Variants in MND1 observed in about 807,000 individuals in gnomAD.
MND1 encodes the protein meiotic nuclear division protein 1 homolog.
In MND1, 28 loss-of-function variants were observed where a neutral mutation model predicts 35.1. The ratio of observed to expected loss-of-function variants is 0.80; its 90% CI spans 0.59 to 1.09. The LOEUF (loss-of-function observed/expected upper bound fraction) is 1.09. Ranked by LOEUF, MND1 falls within the 50% of genes least tolerant of loss-of-function variation. The pLI is 0.00. For missense variants in MND1, 213 were observed against 239.6 expected (o/e 0.89, Z 0.73); for synonymous variants, 69 against 70.5 (o/e 0.98, Z 0.11).
At chr4:153,346,787 G>T (rs976448693) in intron 1 of MND1, among the ~76,000 whole-genome samples, 4 of 152,130 alleles carry the variant, frequency 2.6e-5, no homozygotes, top group African/African-American at 9.7e-5. Flanking sequence ...GCCTCTGGGG[G>T]GCAGATTCTT....
intron 4 of MND1, among the ~76,000 whole-genome samples, chr4:153,385,628 A>T (rs375190502): frequency 6.9e-6 from 1 of 145,520 alleles, no homozygotes; most frequent in South Asian, 2.3e-4. Context: ...AGGTGGGAGG[A>T]TTGCTTGAGC....
chr4:153,405,460 C>G (rs939689954), intron 6 of MND1, among the ~76,000 whole-genome samples: 2 of 151,646 alleles, frequency 1.3e-5, no homozygotes, highest in African/African-American at 4.8e-5. Flanking sequence ...AGTGTGAACC[C>G]AGGAGGCGGA....
At chr4:153,373,156 A>C (rs898914140) in intron 4 of MND1, among the ~76,000 whole-genome samples, 2 of 151,778 alleles carry the variant, frequency 1.3e-5, no homozygotes, top group Admixed American at 1.3e-4. Flanking sequence ...TCTGCCTTTT[A>C]ATTAGGGTGT....
rs576059049 is a variant in MND1 at position 153,378,573 on chromosome 4, G to C, written c.277-15689G>C. On this transcript the variant is annotated intron_variant, in intron 4 of 7. Coordinates refer to ENST00000240488, the MANE Select transcript of MND1 (RefSeq NM_032117.4). Reference sequence around the variant, plus strand: ...CAACCCATTTTTATGAGGGATTGGTGATCCATGGAATACACTTTGGAGAAA... The same window carrying C: ...CAACCCATTTTTATGAGGGATTGGTCATCCATGGAATACACTTTGGAGAAA... Among the ~76,000 whole-genome samples the C allele has an allele frequency of 2.0e-5, 3 of 152,312 alleles. No individual in the cohort carries two copies. In the South Asian group the frequency reaches 6.2e-4, roughly 32 times the overall value.
chr4:153,359,190 C>T (rs1303326518), intron 4 of MND1, among the ~76,000 whole-genome samples: 1 of 152,082 alleles, frequency 6.6e-6, no homozygotes, highest in Non-Finnish European at 1.5e-5. Flanking sequence ...CTGTTTCCTA[C>T]TTGTTCATCC....
intron 4 of MND1, among the ~76,000 whole-genome samples, chr4:153,379,810 A>T (rs890823208): frequency 7.3e-6 from 1 of 136,716 alleles, no homozygotes; most frequent in Non-Finnish European, 1.5e-5. Flanking sequence ...AGACCACACC[A>T]CTGCACTTCA....
intron 4 of MND1, among the ~76,000 whole-genome samples, chr4:153,390,229 ATTGT>A (rs1472599772): frequency 6.6e-6 from 1 of 152,156 alleles, no homozygotes; most frequent in Non-Finnish European, 1.5e-5. Context: ...AGTTGCTTTC[ATTGT>A]TTGTTTCCAG....
At chr4:153,390,691 T>C (rs1209769658) in intron 4 of MND1, among the ~76,000 whole-genome samples, 2 of 151,760 alleles carry the variant, frequency 1.3e-5, no homozygotes, top group African/African-American at 2.4e-5. Flanking sequence ...ACAAAAAAAA[T>C]ACAAAAATTA....
chr4:153,350,968 A>AC (rs1561053555), intron 2 of MND1, among the ~76,000 whole-genome samples: 1 of 149,708 alleles, frequency 6.7e-6, no homozygotes, highest in African/African-American at 2.5e-5. Context: ...AAAAAAAAAA[A>AC]ACAAACAAAA....
At chr4:153,361,005 T>A (rs1486992251) in intron 4 of MND1, among the ~76,000 whole-genome samples, 2 of 152,108 alleles carry the variant, frequency 1.3e-5, no homozygotes, top group African/African-American at 2.4e-5. Flanking sequence ...ACTCTGCTAA[T>A]TTTTGCACTT....
intron 4 of MND1, chr4:153,381,686 ATATATATTTTTTTTTTTTT>A (rs1283164731): frequency 1.8e-4 from 4 of 22,524 alleles, no homozygotes; most frequent in African/African-American, 5.3e-4. Flanking sequence ...ATATATATAT[ATATATATTTTTTTTTTTTT>A]TTTTTTTTTT....
intron 6 of MND1, among the ~76,000 whole-genome samples, chr4:153,404,068 GA>G (rs1387711323): frequency 1.3e-5 from 2 of 151,764 alleles, no homozygotes; most frequent in Non-Finnish European, 2.9e-5. Flanking sequence ...TGTTTCAATG[GA>G]AACTGTTCCC....
intron 4 of MND1, among the ~76,000 whole-genome samples, chr4:153,369,692 G>C (rs1044840556): frequency 1.3e-5 from 2 of 151,228 alleles, no homozygotes; most frequent in Non-Finnish European, 2.9e-5. Flanking sequence ...CAGGGTGATG[G>C]TTGCTGAAGG....
chr4:153,351,408 A>G (rs1359460546), intron 2 of MND1, among the ~76,000 whole-genome samples: 4 of 152,188 alleles, frequency 2.6e-5, no homozygotes, highest in Non-Finnish European at 4.4e-5. Flanking sequence ...TATTTCATAT[A>G]TTCCTGTTTC....
At chr4:153,412,118 A>G (rs1304105562) in intron 7 of MND1, among the ~76,000 whole-genome samples, 1 of 152,238 alleles carries the variant, frequency 6.6e-6, no homozygotes, top group Non-Finnish European at 1.5e-5. Flanking sequence ...GATCATTTTA[A>G]TATCTGTTGA....
chr4:153,353,977 C>T (rs549229379), intron 2 of MND1, among the ~76,000 whole-genome samples: 41 of 152,338 alleles, frequency 2.7e-4, no homozygotes, highest in African/African-American at 9.6e-4. Context: ...GCCTCAGCCT[C>T]CCAAAGTGCT....
intron 1 of MND1, among the ~76,000 whole-genome samples, chr4:153,348,853 C>T (rs1483046906): frequency 2.6e-5 from 4 of 152,218 alleles, no homozygotes; most frequent in Admixed American, 6.5e-5. Flanking sequence ...GACTCACTCA[C>T]TCCAGTATGT....
At chr4:153,350,855 T>C (rs58436768) in intron 2 of MND1, among the ~76,000 whole-genome samples, 2,603 of 151,970 alleles carry the variant, frequency 0.017, 68 homozygotes, top group African/African-American at 0.057. Flanking sequence ...CTACTGGCTA[T>C]TTTCATCATA....
At chr4:153,391,877 A>G (rs17029914) in intron 4 of MND1, among the ~76,000 whole-genome samples, 2,124 of 151,972 alleles carry the variant, frequency 0.014, 49 homozygotes, top group African/African-American at 0.049. Context: ...TGTTCATGCT[A>G]TGGATTAGAA....
Sources: gnomAD v4.1 joint callset for allele counts (sites outside exome capture counted in the v4.1 genomes callset) on GRCh38, gnomAD v4.1.1 for gene constraint, MANE v1.5 for transcripts, NCBI Gene and HGNC (gene_info 2026-07-23, HGNC 2026-07-21) for gene names.